ERO1B: variants seen among roughly 807,000 people sequenced by gnomAD.
The protein encoded by ERO1B is ERO1-like protein beta.
A neutral mutation model predicts 75.3 loss-of-function variants in ERO1B; 49 were observed. That is an observed-to-expected ratio of 0.65 (90% confidence interval 0.52 to 0.83). The LOEUF is 0.83. Among genes scored for constraint, ERO1B ranks in the 40% least tolerant of loss-of-function variants. The pLI, the probability that ERO1B is intolerant of heterozygous loss-of-function variation, is 0.00. For missense variants in ERO1B, 512 were observed against 560.1 expected (o/e 0.91, Z 0.87); for synonymous variants, 191 against 192.9 (o/e 0.99, Z 0.08).
Position 236,221,972 on chromosome 1 carries a change from T to C in ERO1B, c.1161A>G (p.Ile387Met). 1 of 1,613,814 alleles carries C rather than the reference T, an allele frequency of 6.2e-7. No homozygotes were observed. The highest frequency in any genetic ancestry group is 1.1e-5 in the South Asian group (1 of 91,078). Residue 387 changes from isoleucine (I) to methionine (M), a missense_variant, in exon 14 of 16, where the codon ATA becomes ATG. Ile to Met is a conservative substitution (Grantham distance 10). Coordinates refer to ENST00000354619, the MANE Select transcript of ERO1B (RefSeq NM_019891.4). ...FRLHFKNISR[I>M]MDCVGCDKCR... is the part of the protein sequence containing the mutation. ...ATTTGTCACATCCAACACAGTCCAT[T>C]ATACGGGAGATATTCTTGAAATGTA...
At position 236,220,902 on chromosome 1, in the gene ERO1B, C is replaced by A. The variant is rs753005026; in HGVS notation, c.1273G>T (p.Glu425Ter). The change falls in exon 15 of 16, where the codon GAG (glutamate) becomes TAG (stop). Residue 425 changes from glutamate (E) to a stop codon, truncating the protein, a stop_gained. Coordinates refer to ENST00000354619, the MANE Select transcript of ERO1B (RefSeq NM_019891.4). LOFTEE classifies it high-confidence loss of function. ...TGGAAGCCTTTAGATGGACTATTCT[C>A]TGGAAGCTTTTGGATTTCTTTTTCA... is the stretch of plus-strand genomic sequence containing the variant. ...FSEKEIQKLPENSPSKGFQLT... is the reference protein window; with the variant it reads ...FSEKEIQKLP 1 of 1,604,186 alleles carries A rather than the reference C, an allele frequency of 6.2e-7. No individual in the cohort carries two copies. The highest frequency in any genetic ancestry group is 1.1e-5 in the South Asian group (1 of 88,470).
chr1:236,232,424 G>A (rs111996367), intron 9 of ERO1B, among the ~76,000 whole-genome samples: 19 of 151,988 alleles, frequency 1.3e-4, no homozygotes, highest in South Asian at 8.3e-4. Context: ...TAAATTGCTC[G>A]TCATCAAATT....
At chr1:236,245,212 C>G (rs1221031502) in intron 5 of ERO1B, among the ~76,000 whole-genome samples, 1 of 145,634 alleles carries the variant, frequency 6.9e-6, no homozygotes, top group Non-Finnish European at 1.5e-5. Context: ...CCAGGCTGGT[C>G]TCAAACTCCT....
chr1:236,271,130 T>C (rs767093421), intron 1 of ERO1B, among the ~76,000 whole-genome samples: 2 of 152,188 alleles, frequency 1.3e-5, no homozygotes, highest in African/African-American at 4.8e-5. Context: ...GATGTTACCA[T>C]TGGGATAAAT....
In ERO1B at chr1:236,253,610, T is replaced by A. The variant is rs541962693; in HGVS notation, c.223-105A>T. 26 of 733,782 alleles carry A rather than the reference T, an allele frequency of 3.5e-5. 1 individual carries two copies. The African/African-American group carries it at 4.4e-4, about 12-fold the overall frequency. The allele number at this position is 733,782 out of a possible 1,614,324, so 45.5% of individuals were successfully genotyped here. On this transcript the variant is annotated intron_variant, in intron 2 of 15. Coordinates refer to ENST00000354619, the MANE Select transcript of ERO1B (RefSeq NM_019891.4). ...TGACATGGTGGTGAATAAGAAGGAA[T>A]ACTTCCTATCCTCGTGGCACCTATA...
At chr1:236,255,294 C>T (rs989752847) in intron 2 of ERO1B, among the ~76,000 whole-genome samples, 9 of 152,004 alleles carry the variant, frequency 5.9e-5, no homozygotes, top group Non-Finnish European at 7.4e-5. Context: ...GATCTTATGA[C>T]GGCTCACTCT....
At position 236,235,864 on chromosome 1, in the gene ERO1B, T is replaced by C. The variant is rs201706486; in HGVS notation, c.627-29A>G. ...AAAAAGAAAGCATAATACCCAAACA[T>C]AGAATGTTTTAACTTTTATAGTGTA... On this transcript the variant is annotated intron_variant, in intron 7 of 15. Coordinates refer to ENST00000354619, the MANE Select transcript of ERO1B (RefSeq NM_019891.4). 2.5e-4 allele frequency: 399 copies of C among 1,591,186 alleles called. 1 individual carries two copies. Among genetic ancestry groups the C allele is most frequent in the South Asian group, 1.8e-3 (156 of 88,832 alleles).
intron 6 of ERO1B, among the ~76,000 whole-genome samples, chr1:236,240,215 G>A (rs922655415): frequency 6.6e-6 from 1 of 151,788 alleles, no homozygotes; most frequent in African/African-American, 2.4e-5. Context: ...TTAAGTATAC[G>A]ATTTTTTTCT....
At chr1:236,270,099 C>A in intron 1 of ERO1B, 105 bp from the exon 2 acceptor site, 1 of 807,506 alleles carries the variant, frequency 1.2e-6, no homozygotes, top group Non-Finnish European at 1.9e-6. Context: ...TTAGCCGGTA[C>A]TTGCTGATTA....
chr1:236,224,537 G>A (rs1664232095), intron 13 of ERO1B, among the ~76,000 whole-genome samples: 1 of 151,372 alleles, frequency 6.6e-6, no homozygotes, highest in Non-Finnish European at 1.5e-5. Flanking sequence ...GTTTCTTAAT[G>A]TACTTTAAGC....
At chr1:236,249,170 C>T (rs1002718496) in intron 5 of ERO1B, among the ~76,000 whole-genome samples, 2 of 151,968 alleles carry the variant, frequency 1.3e-5, no homozygotes, top group Non-Finnish European at 2.9e-5. Context: ...GGATTATAGG[C>T]ACCCGCCACC....
chr1:236,237,379 TG>T (rs1354170293), intron 6 of ERO1B, among the ~76,000 whole-genome samples: 7 of 152,136 alleles, frequency 4.6e-5, no homozygotes, highest in Non-Finnish European at 1.0e-4. Flanking sequence ...CCTCCCAAAG[TG>T]GCGGGATTAC....
chr1:236,259,850 A>C (rs1421441841), intron 2 of ERO1B, among the ~76,000 whole-genome samples: 1 of 152,126 alleles, frequency 6.6e-6, no homozygotes, highest in Non-Finnish European at 1.5e-5. Context: ...ATGAGGAAAC[A>C]CTGGATTTGA....
intron 5 of ERO1B, among the ~76,000 whole-genome samples, chr1:236,247,952 C>T (rs1664924784): frequency 6.6e-6 from 1 of 152,110 alleles, no homozygotes; most frequent in Non-Finnish European, 1.5e-5. Flanking sequence ...CAATTTAAAA[C>T]AGTGCCACTC....
At chr1:236,222,756 G>A (rs577531507) in intron 13 of ERO1B, among the ~76,000 whole-genome samples, 2 of 152,244 alleles carry the variant, frequency 1.3e-5, no homozygotes, top group South Asian at 2.1e-4. Flanking sequence ...ATCAATTTTT[G>A]TATCACTCCT....
intron 5 of ERO1B, among the ~76,000 whole-genome samples, chr1:236,245,320 A>G (rs1475793751): frequency 9.3e-4 from 16 of 17,138 alleles, no homozygotes; most frequent in Admixed American, 3.5e-3. Flanking sequence ...ATATATATAT[A>G]TACACACACG....
chr1:236,257,506 C>G (rs1214161115), intron 2 of ERO1B, among the ~76,000 whole-genome samples: 1 of 145,986 alleles, frequency 6.8e-6, no homozygotes, highest in Non-Finnish European at 1.5e-5. Context: ...ACAGAAGGGA[C>G]AGCATTCTAT....
chr1:236,265,265 T>C (rs890078272), intron 2 of ERO1B, among the ~76,000 whole-genome samples: 15 of 152,182 alleles, frequency 9.9e-5, no homozygotes, highest in African/African-American at 3.6e-4. Context: ...ATATACATCA[T>C]TCTTATTATT....
intron 1 of ERO1B, chr1:236,281,372 C>T (rs997925773): frequency 2.5e-5 from 6 of 237,204 alleles, no homozygotes; most frequent in African/African-American, 6.7e-5. Flanking sequence ...CGTCCCATCT[C>T]CCGCCACACT....
Sources: gnomAD v4.1 joint callset for allele counts (sites outside exome capture counted in the v4.1 genomes callset) on GRCh38, gnomAD v4.1.1 for gene constraint, MANE v1.5 for transcripts, NCBI Gene and HGNC (gene_info 2026-07-23, HGNC 2026-07-21) for gene names.